Variants in SPSB1 observed in about 807,000 individuals in gnomAD.
The protein encoded by SPSB1 is SPRY domain-containing SOCS box protein 1.
In SPSB1, 8 loss-of-function variants were observed where a neutral mutation model predicts 21.2. The observed-to-expected ratio is 0.38, with a 90% CI of 0.22 to 0.68. The LOEUF is 0.68. Among genes scored for constraint, SPSB1 ranks in the 30% least tolerant of loss-of-function variants. The pLI is 0.53. For synonymous variants in SPSB1, 169 were observed against 161.7 expected, an observed-to-expected ratio of 1.05 and a Z score of -0.34; for missense variants, 242 against 377.8, an observed-to-expected ratio of 0.64 and a Z score of 2.98.
intron 1 of SPSB1, among the ~76,000 whole-genome samples, chr1:9,320,025 C>T (rs990872557): frequency 2.0e-5 from 3 of 152,256 alleles, no homozygotes; most frequent in South Asian, 2.1e-4. Context: ...GTCTGTGCTT[C>T]GAGCCCCCTG....
intron 2 of SPSB1, among the ~76,000 whole-genome samples, chr1:9,362,957 G>A (rs1189100029): frequency 1.3e-5 from 2 of 152,246 alleles, no homozygotes; most frequent in Non-Finnish European, 2.9e-5. Context: ...AGGCCACAGT[G>A]CAGGTGCCCA....
At chr1:9,338,733 C>T (rs1393062919) in intron 1 of SPSB1, among the ~76,000 whole-genome samples, 1 of 152,198 alleles carries the variant, frequency 6.6e-6, no homozygotes, top group Non-Finnish European at 1.5e-5. Context: ...GAGGGGGCGT[C>T]ACCTCCCCCA....
intron 1 of SPSB1, among the ~76,000 whole-genome samples, chr1:9,298,516 G>A (rs1013876564): frequency 7.9e-5 from 12 of 152,238 alleles, no homozygotes; most frequent in African/African-American, 2.4e-4. Context: ...CAGTACACTA[G>A]AGAAAGTTTA....
chr1:9,326,191 G>C (rs1639813011), intron 1 of SPSB1, among the ~76,000 whole-genome samples: 1 of 151,852 alleles, frequency 6.6e-6, no homozygotes, highest in Non-Finnish European at 1.5e-5. Flanking sequence ...AGGTTTTGGT[G>C]CTCATGAGAA....
chr1:9,347,859 C>T lies in SPSB1; in HGVS notation c.-149-7884C>T, dbSNP rs188673471. Among the ~76,000 whole-genome samples, 19 of 152,210 alleles carry T rather than the reference C, an allele frequency of 1.2e-4. 1 individual carries two copies. Among genetic ancestry groups the T allele is most frequent in the African/African-American group, 4.6e-4 (19 of 41,544 alleles). On this transcript the variant is annotated intron_variant, in intron 1 of 2. Coordinates refer to ENST00000328089, the MANE Select transcript of SPSB1 (RefSeq NM_025106.4). ...TACCTGCACACCTAGAAGGCTGCCC[C>T]AGTTCAGGGTCTGTCCCCCTTCAAC...
At chr1:9,309,693 A>G (rs1639485369) in intron 1 of SPSB1, among the ~76,000 whole-genome samples, 1 of 152,140 alleles carries the variant, frequency 6.6e-6, no homozygotes, top group Non-Finnish European at 1.5e-5. Context: ...AAATATAAAA[A>G]TTAGTCGGGG....
Position 9,367,815 on chromosome 1 carries a change from C to T in SPSB1, c.*240C>T. On this transcript the variant is annotated 3_prime_UTR_variant, in exon 3 of 3. Transcript: ENST00000328089. This position sits in a 1 kb window ranked among gnomAD's most constrained non-coding sequence, Gnocchi z 5.9. Reference sequence around the variant, plus strand: ...AGCATCCCTGCATGCCGTCCGTATACAACCCCTCTTTGAAAAAAGACACAG... The same window carrying T: ...AGCATCCCTGCATGCCGTCCGTATATAACCCCTCTTTGAAAAAAGACACAG... 1.7e-6 allele frequency: 1 copy of T among 572,560 alleles called. No individual in the cohort carries two copies. The highest frequency in any genetic ancestry group is 3.0e-6 in the Non-Finnish European group (1 of 328,450). The allele number at this position is 572,560 out of a possible 1,614,324, so 35.5% of individuals were successfully genotyped here.
In SPSB1 at chr1:9,293,500, T is replaced by C. The variant is rs949247054; in HGVS notation, c.-150+429T>C. Among the ~76,000 whole-genome samples, 3 of 151,214 alleles carry C rather than the reference T, an allele frequency of 2.0e-5. No homozygotes were observed. Among genetic ancestry groups the C allele is most frequent in the Admixed American group, 1.3e-4 (2 of 15,246 alleles). On this transcript the variant is annotated intron_variant, in intron 1 of 2. Transcript: ENST00000328089. This position sits in a 1 kb window ranked among gnomAD's most constrained non-coding sequence, Gnocchi z 5.1. ...CGCTCGGCTGAGTTAGTTTCGCTTTTCCCGCCAGTCCGAGTCGGGATTGGC... is the reference window on the plus strand; with the variant it reads ...CGCTCGGCTGAGTTAGTTTCGCTTTCCCCGCCAGTCCGAGTCGGGATTGGC...
At chr1:9,307,210 G>A (rs1160211202) in intron 1 of SPSB1, among the ~76,000 whole-genome samples, 1 of 152,182 alleles carries the variant, frequency 6.6e-6, no homozygotes, top group Non-Finnish European at 1.5e-5. Context: ...TTACAGGCAT[G>A]AGCCACTGTG....
In SPSB1 at chr1:9,367,072, G is replaced by A. The variant is rs1421640687; in HGVS notation, c.695-376G>A. Among the ~76,000 whole-genome samples, 1 of 152,242 alleles carries A rather than the reference G, an allele frequency of 6.6e-6. No homozygotes were observed. The highest frequency in any genetic ancestry group is 2.4e-5 in the African/African-American group (1 of 41,462). The stretch of plus-strand genomic sequence containing the variant: ...GTGGGGAAGAGCAGGGATCGCCTGG[G>A]TTCGAATCCTAGCTGCATCTCCTGC... On this transcript the variant is annotated intron_variant, in intron 2 of 2. Coordinates refer to ENST00000328089, the MANE Select transcript of SPSB1 (RefSeq NM_025106.4). This position sits in a 1 kb window ranked among gnomAD's most constrained non-coding sequence, Gnocchi z 5.9.
At position 9,321,542 on chromosome 1, in the gene SPSB1, G is replaced by A. The variant is rs770632012; in HGVS notation, c.-150+28471G>A. Among the ~76,000 whole-genome samples, 6 of 152,182 alleles carry A rather than the reference G, an allele frequency of 3.9e-5. No homozygotes were observed. The highest frequency in any genetic ancestry group is 7.3e-5 in the Non-Finnish European group (5 of 68,044). On this transcript the variant is annotated intron_variant, in intron 1 of 2. Transcript: ENST00000328089. The surrounding 1 kb of genome is among the most constrained non-coding windows in gnomAD (Gnocchi z 4.8). ...GTGCCAAGGATTCAGCTCAGAACGG[G>A]GAAGAGGGTGTTTGAGAGACTGATG...
chr1:9,353,188 A>AGCCCGCCCGGCCCCTCGAGAGCCGCCTCG (rs1010962719), intron 1 of SPSB1, among the ~76,000 whole-genome samples: 2 of 151,598 alleles, frequency 1.3e-5, no homozygotes, highest in Non-Finnish European at 3.0e-5. Flanking sequence ...GAGCCGCCTC[A>AGCCCGCCCGGCCCCTCGAGAGCCGCCTCG]GCCCGCCCGG....
rs181745252 is a variant in SPSB1 at position 9,342,152 on chromosome 1, C to T, written c.-149-13591C>T. On this transcript the variant is annotated intron_variant, in intron 1 of 2. Transcript: ENST00000328089. Reference sequence around the variant, plus strand: ...AGCAAGCGACTCAGAGCACAGGCCTCAGATGGTGGAGTTCTCGGCCGACTT... The same window carrying T: ...AGCAAGCGACTCAGAGCACAGGCCTTAGATGGTGGAGTTCTCGGCCGACTT... 2.2e-3 allele frequency among the ~76,000 whole-genome samples: 340 copies of T among 152,312 alleles called. 1 individual carries two copies. The highest frequency in any genetic ancestry group is 7.8e-3 in the African/African-American group (323 of 41,562).
Position 9,292,966 on chromosome 1 carries a change from G to A in SPSB1, c.-255G>A, listed in dbSNP as rs1416166232. ...GGCTCCAGGCGCCGGCGCCGGGGCC[G>A]GGGCCGCGGGGAGGAGGCGACTTCG... is the stretch of plus-strand genomic sequence containing the variant. On this transcript the variant is annotated 5_prime_UTR_variant, in exon 1 of 3. Transcript: ENST00000328089. 4.1e-6 allele frequency: 4 copies of A among 980,792 alleles called. No homozygotes were observed. Among genetic ancestry groups the A allele is most frequent in the African/African-American group, 3.5e-5 (2 of 56,556 alleles). 60.8% of individuals were successfully genotyped at this position (980,792 alleles called of 1,614,324 possible). A position where few individuals can be genotyped will look rare whatever the true frequency, so the allele number is the denominator to read the frequency against.
At position 9,355,900 on chromosome 1, in the gene SPSB1, G is replaced by A; in HGVS notation, c.9G>A (p.Gln3=). ...TGAAGCCAGGGGCGAACATGGGTCA[G>A]AAGGTCACTGGAGGGATCAAGACTG... MG[Q]KVTGGIKTVD... Residue 3 remains glutamine, a synonymous_variant, in exon 2 of 3, where the codon CAG becomes CAA. Coordinates refer to ENST00000328089, the MANE Select transcript of SPSB1 (RefSeq NM_025106.4). 6.4e-7 allele frequency: 1 copy of A among 1,559,592 alleles called. No homozygotes were observed. The highest frequency in any genetic ancestry group is 1.2e-5 in the South Asian group (1 of 83,974).
chr1:9,367,848 A>T lies in SPSB1; in HGVS notation c.*273A>T. ...CTTTGAAAAAAGACACAGAGAATAA[A>T]CTCCTACGAAAGCCCTACATTGAGC... On this transcript the variant is annotated 3_prime_UTR_variant, in exon 3 of 3. Transcript: ENST00000328089. The surrounding 1 kb of genome is among the most constrained non-coding windows in gnomAD (Gnocchi z 5.9). 1 of 447,930 alleles carries T rather than the reference A, an allele frequency of 2.2e-6. No individual in the cohort carries two copies. The highest frequency in any genetic ancestry group is 4.0e-6 in the Non-Finnish European group (1 of 250,420). 27.7% of individuals were successfully genotyped at this position (447,930 alleles called of 1,614,324 possible). A position where few individuals can be genotyped will look rare whatever the true frequency, so the allele number is the denominator to read the frequency against.
chr1:9,354,952 C>G (rs1179556014), intron 1 of SPSB1, among the ~76,000 whole-genome samples: 1 of 152,182 alleles, frequency 6.6e-6, no homozygotes, highest in South Asian at 2.1e-4. Flanking sequence ...ATCCTAGCAT[C>G]GGACTTTCCT....
intron 1 of SPSB1, among the ~76,000 whole-genome samples, chr1:9,323,620 C>G (rs1168553912): frequency 6.6e-6 from 1 of 152,230 alleles, no homozygotes; most frequent in Non-Finnish European, 1.5e-5. Flanking sequence ...GGGAGAATGG[C>G]AGACGCGCCT....
intron 1 of SPSB1, among the ~76,000 whole-genome samples, chr1:9,336,123 A>G (rs1334113282): frequency 6.6e-6 from 1 of 152,194 alleles, no homozygotes; most frequent in African/African-American, 2.4e-5. Context: ...GTAGGTGGAA[A>G]GTGAGCAGTG....
Sources: allele counts gnomAD v4.1 joint callset (sites outside exome capture counted in the v4.1 genomes callset), GRCh38; gene constraint gnomAD v4.1.1; non-coding constraint Gnocchi (gnomAD v3.1); transcripts MANE v1.5; gene names NCBI Gene and HGNC (gene_info 2026-07-23, HGNC 2026-07-21).